Variants in HDAC4 observed in about 807,000 individuals in gnomAD.
The protein encoded by HDAC4 is histone deacetylase A.
In HDAC4, 16 loss-of-function variants were observed where a neutral mutation model predicts 135.1. That is an observed-to-expected ratio of 0.12 (90% CI 0.08 to 0.18). The LOEUF (loss-of-function observed/expected upper bound fraction) is 0.18. Among genes scored for constraint, HDAC4 ranks in the 10% least tolerant of loss-of-function variants. The pLI, the probability that HDAC4 is intolerant of heterozygous loss-of-function variation, is 1.00. For synonymous variants in HDAC4, 685 were observed against 653.4 expected, an observed-to-expected ratio of 1.05 and a Z score of -0.74; for missense variants, 1,143 against 1,511.8, an observed-to-expected ratio of 0.76 and a Z score of 4.05.
intron 7 of HDAC4, among the ~76,000 whole-genome samples, chr2:239,152,474 C>T (rs1460065188): frequency 1.3e-5 from 2 of 152,250 alleles, no homozygotes; most frequent in African/African-American, 4.8e-5. Flanking sequence ...AGTGGAGACA[C>T]CCCTGCTGCC....
intron 2 of HDAC4, chr2:239,298,176 C>A: frequency 7.8e-7 from 1 of 1,280,882 alleles, no homozygotes; most frequent in Middle Eastern, 2.1e-4. Context: ...CAAACATTTG[C>A]TGACAGCAAG....
At chr2:239,368,281 G>A (rs934102518) in intron 1 of HDAC4, among the ~76,000 whole-genome samples, 7 of 152,178 alleles carry the variant, frequency 4.6e-5, no homozygotes, top group African/African-American at 1.7e-4. Context: ...AATGTCAGAT[G>A]TGAGGGATGT....
chr2:239,263,166 G>A (rs2049479009), intron 2 of HDAC4, among the ~76,000 whole-genome samples: 1 of 152,136 alleles, frequency 6.6e-6, no homozygotes, highest in African/African-American at 2.4e-5. Context: ...TGTCTGCTGT[G>A]TCGGTGCCCT....
At chr2:239,230,131 C>T (rs894495237) in intron 3 of HDAC4, among the ~76,000 whole-genome samples, 16 of 152,036 alleles carry the variant, frequency 1.1e-4, no homozygotes, top group Non-Finnish European at 1.9e-4. Flanking sequence ...CGCTGGTCAG[C>T]TGGGCCTGAA....
chr2:239,249,043 G>A (rs554299139), intron 2 of HDAC4, among the ~76,000 whole-genome samples: 8 of 152,332 alleles, frequency 5.3e-5, no homozygotes, highest in South Asian at 2.1e-4. Context: ...TCACGCAGGC[G>A]GAACACGGCA....
At chr2:239,142,480 CCCG>C (rs2041449824) in intron 8 of HDAC4, among the ~76,000 whole-genome samples, 1 of 152,254 alleles carries the variant, frequency 6.6e-6, no homozygotes, top group South Asian at 2.1e-4. Context: ...GCCCCACTCA[CCCG>C]CCAAGTCCCA....
intron 3 of HDAC4, among the ~76,000 whole-genome samples, chr2:239,232,472 C>G (rs569897344): frequency 6.6e-6 from 1 of 152,148 alleles, no homozygotes; most frequent in Non-Finnish European, 1.5e-5. Flanking sequence ...CACGAGCTCC[C>G]GCCCCCACCC....
intron 1 of HDAC4, among the ~76,000 whole-genome samples, chr2:239,373,193 G>A (rs557162968): frequency 8.5e-5 from 13 of 152,210 alleles, no homozygotes; most frequent in African/African-American, 2.6e-4. Context: ...GGCTGCAGCC[G>A]CGCGTACCTC....
chr2:239,136,669 G>A (rs771745278), intron 9 of HDAC4, among the ~76,000 whole-genome samples: 1 of 152,154 alleles, frequency 6.6e-6, no homozygotes, highest in African/African-American at 2.4e-5. Context: ...CAGAACATGC[G>A]GGAACTCCAG....
rs1341637879 is a variant in HDAC4 at position 239,049,382 on chromosome 2, C to T, written c.*3715G>A. 3 of 152,384 alleles carry T rather than the reference C, an allele frequency of 2.0e-5. No individual in the cohort carries two copies. The highest frequency in any genetic ancestry group is 2.9e-5 in the Non-Finnish European group (2 of 68,000). The allele number at this position is 152,384 out of a possible 1,614,324, so 9.4% of individuals were successfully genotyped here. A position where few individuals can be genotyped will look rare whatever the true frequency, so the allele number is the denominator to read the frequency against. ...CCCCAAAGCTGCCGAGTTTGGCGTGCAAAATCTGTATACAATATAAAGTCA... is the reference window on the plus strand; with the variant it reads ...CCCCAAAGCTGCCGAGTTTGGCGTGTAAAATCTGTATACAATATAAAGTCA... On this transcript the variant is annotated 3_prime_UTR_variant, in exon 27 of 27. Transcript: ENST00000543185.
intron 3 of HDAC4, among the ~76,000 whole-genome samples, 171 bp from the exon 4 acceptor site, chr2:239,190,248 A>C (rs1197563124): frequency 6.6e-6 from 1 of 151,880 alleles, no homozygotes; most frequent in Non-Finnish European, 1.5e-5. Context: ...ACAAACTCAA[A>C]ATGCAAGACT....
intron 7 of HDAC4, among the ~76,000 whole-genome samples, chr2:239,154,072 C>A (rs530392706): frequency 1.3e-5 from 2 of 152,308 alleles, no homozygotes; most frequent in South Asian, 4.1e-4. Context: ...TAGGGCTCCC[C>A]CATCCCTGCT....
At chr2:239,193,302 G>A (rs765035332) in intron 3 of HDAC4, among the ~76,000 whole-genome samples, 5 of 152,256 alleles carry the variant, frequency 3.3e-5, no homozygotes, top group Non-Finnish European at 5.9e-5. Context: ...AACGTCTGGT[G>A]TTAATCTCTT....
chr2:239,246,760 G>C (rs534052007), intron 2 of HDAC4, among the ~76,000 whole-genome samples: 14 of 152,354 alleles, frequency 9.2e-5, no homozygotes, highest in Middle Eastern at 3.4e-3. Flanking sequence ...AAGTGGCACA[G>C]GCCAGCTGAA....
chr2:239,328,730 G>A (rs1691334564), intron 2 of HDAC4, among the ~76,000 whole-genome samples: 1 of 152,168 alleles, frequency 6.6e-6, no homozygotes, highest in Non-Finnish European at 1.5e-5. Context: ...ACTTTGTCGG[G>A]TGCAGCCATA....
chr2:239,201,384 C>T lies in HDAC4; in HGVS notation c.95-11307G>A, dbSNP rs1337300367. Among the ~76,000 whole-genome samples, 3 of 152,312 alleles carry T rather than the reference C, an allele frequency of 2.0e-5. No individual in the cohort carries two copies. The East Asian group carries it at 5.8e-4, about 29-fold the overall frequency. On this transcript the variant is annotated intron_variant, in intron 3 of 26. Transcript: ENST00000543185. ...CCCAAGCATCCCTGAGGCCTCAGAA[C>T]TTCTGCTCCGGAGTCGATGGTCTTC... is the stretch of plus-strand genomic sequence containing the variant.
chr2:239,070,431 A>C (rs2034060732), intron 22 of HDAC4, among the ~76,000 whole-genome samples: 1 of 152,252 alleles, frequency 6.6e-6, no homozygotes, highest in South Asian at 2.1e-4. Context: ...ATCAGTCTTT[A>C]GTCTAATGAT....
chr2:239,087,016 A>T (rs2036037991), intron 19 of HDAC4, among the ~76,000 whole-genome samples: 1 of 152,164 alleles, frequency 6.6e-6, no homozygotes, highest in African/African-American at 2.4e-5. Context: ...ACACACAGGG[A>T]TGGATCCGGG....
intron 24 of HDAC4, among the ~76,000 whole-genome samples, chr2:239,065,403 A>AT (rs1412682858): frequency 6.6e-6 from 1 of 152,094 alleles, no homozygotes; most frequent in Non-Finnish European, 1.5e-5. Flanking sequence ...GACTGGGGAG[A>AT]TTTTTTTGTA....
Sources: allele counts gnomAD v4.1 joint callset (sites outside exome capture counted in the v4.1 genomes callset), GRCh38; gene constraint gnomAD v4.1.1; transcripts MANE v1.5; gene names NCBI Gene and HGNC (gene_info 2026-07-23, HGNC 2026-07-21).